The following IMPA1 variants were observed in gnomAD, a reference collection of about 807,000 sequenced individuals.
IMPA1 encodes the protein inositol monophosphatase 1, also known as D-galactose 1-phosphate phosphatase.
In IMPA1, 21 loss-of-function variants were observed where a neutral mutation model predicts 34.9. The ratio of observed to expected loss-of-function variants is 0.60; its 90% CI spans 0.43 to 0.87. The LOEUF is 0.87. Among genes scored for constraint, IMPA1 ranks in the 40% least tolerant of loss-of-function variants. IMPA1 has a pLI of 0.00. For synonymous variants in IMPA1, 95 were observed against 104.4 expected, an observed-to-expected ratio of 0.91 and a Z score of 0.55; for missense variants, 299 against 336.4, an observed-to-expected ratio of 0.89 and a Z score of 0.87.
chr8:81,678,670 CAACAAGAGGGAAA>C, intron 4 of IMPA1: 1 of 182,848 alleles, frequency 5.5e-6, no homozygotes, highest in Non-Finnish European at 1.2e-5. Flanking sequence ...TCAGCCTGGC[CAACAAGAGGGAAA>C]CTCCATCTTA....
chr8:81,664,955 A>T (rs756487577), intron 7 of IMPA1, among the ~76,000 whole-genome samples: 2 of 152,132 alleles, frequency 1.3e-5, no homozygotes, highest in Admixed American at 6.6e-5. Flanking sequence ...AAACAAGACA[A>T]GCCAACTCTA....
chr8:81,671,264 T>C (rs1378961105), intron 6 of IMPA1, among the ~76,000 whole-genome samples: 1 of 152,146 alleles, frequency 6.6e-6, no homozygotes, highest in East Asian at 1.9e-4. Context: ...AAGTACATAA[T>C]GTAACCAATT....
intron 1 of IMPA1, 62 bp from the exon 2 acceptor site, chr8:81,681,646 AC>A (rs1270401320): frequency 4.2e-5 from 39 of 938,760 alleles, no homozygotes; most frequent in Middle Eastern, 4.2e-4. Flanking sequence ...GTTCACAAAA[AC>A]GTCTTAATTA....
chr8:81,673,360 T>A lies in IMPA1; in HGVS notation c.457+481A>T, dbSNP rs377033946. Among the ~76,000 whole-genome samples the A allele has an allele frequency of 2.0e-5, 3 of 152,332 alleles. No homozygotes were observed. The East Asian group carries it at 5.8e-4, about 29-fold the overall frequency. ...TAATCATTTGTCTTTTATCTACCTA[T>A]AACCTGAACACCGCCCCCTTCCCCA... On this transcript the variant is annotated intron_variant, in intron 6 of 8. Transcript: ENST00000256108.
intron 7 of IMPA1, among the ~76,000 whole-genome samples, chr8:81,665,956 G>C (rs528132192): frequency 2.9e-4 from 44 of 152,186 alleles, no homozygotes; most frequent in Non-Finnish European, 6.3e-4. Context: ...GAATCTACTA[G>C]AGGACGAACT....
chr8:81,685,080 TATAA>T lies in IMPA1; in HGVS notation c.-25+1168_-25+1171del, dbSNP rs1355018486. Among the ~76,000 whole-genome samples, 11 of 136,152 alleles carry T rather than the reference TATAA, an allele frequency of 8.1e-5. No homozygotes were observed. In the East Asian group the frequency reaches 8.4e-4, roughly 10 times the overall value. 89.3% of individuals were successfully genotyped at this position (136,152 alleles called of 152,430 possible). A position where few individuals can be genotyped will look rare whatever the true frequency, so the allele number is the denominator to read the frequency against. On this transcript the variant is annotated intron_variant, in intron 1 of 8. Transcript: ENST00000256108. Reference sequence around the variant, plus strand: ...CATAAGTATATTTAGATATATATACTATAAATAAGTATATTTAGATACTATATAT... The same window carrying T: ...CATAAGTATATTTAGATATATATACTATAAGTATATTTAGATACTATATAT...
chr8:81,679,290 A>C (rs1335117478), intron 3 of IMPA1, 60 bp from the exon 4 acceptor site: 2 of 1,132,890 alleles, frequency 1.8e-6, no homozygotes, highest in African/African-American at 3.0e-5. Flanking sequence ...TTTCCAAATC[A>C]TAACATTTCC....
chr8:81,660,531 G>A lies in IMPA1; in HGVS notation c.703C>T (p.Leu235=), dbSNP rs1367551928. The A allele has an allele frequency of 1.9e-6, 3 of 1,613,602 alleles. No homozygotes were observed. The highest frequency in any genetic ancestry group is 1.7e-6 in the Non-Finnish European group (2 of 1,179,626). The part of the protein sequence containing the change: ...GIIVTEAGGV[L]MDVTGGPFDL... The stretch of plus-strand genomic sequence containing the variant: ...ATAATTTTACCTGTAACATCCATTA[G>A]CACGCCACCAGCTTCAGTAACAATA... The change falls in exon 8 of 9, where the codon CTA becomes TTA. Residue 235 remains leucine (L), a synonymous_variant. Transcript: ENST00000256108.
rs996783033 is a variant in IMPA1, at chr8:81,670,975, G to T, written c.530C>A (p.Ser177Tyr). The T allele has an allele frequency of 1.9e-5, 29 of 1,536,702 alleles. No homozygotes were observed. Among genetic ancestry groups the T allele is most frequent in the Non-Finnish European group, 2.5e-5 (29 of 1,152,488 alleles). ...AATGCAAAAAAGCTTTTCCATATTA[G>T]AAAGAACCATTCTCACAGTCTCTGG... Reference protein sequence around the residue: ...RTPETVRMVLSNMEKLFCIPV... With the variant: ...RTPETVRMVLYNMEKLFCIPV... Residue 177 changes from serine (S) to tyrosine (Y), a missense_variant, in exon 7 of 9, where the codon TCT becomes TAT. Coordinates refer to ENST00000256108, the MANE Select transcript of IMPA1 (RefSeq NM_005536.4).
intron 4 of IMPA1, among the ~76,000 whole-genome samples, chr8:81,678,916 C>T (rs1308854888): frequency 2.0e-5 from 3 of 152,156 alleles, no homozygotes; most frequent in South Asian, 2.1e-4. Context: ...AGGACAAGAT[C>T]ACATTAGTAT....
intron 7 of IMPA1, among the ~76,000 whole-genome samples, chr8:81,667,383 T>C (rs115306516): frequency 0.01 from 1,598 of 152,240 alleles, 17 homozygotes; most frequent in African/African-American, 0.035. Context: ...AAACGCATGT[T>C]GAAACTTAAT....
intron 1 of IMPA1, chr8:81,685,905 C>A (rs1419815630): frequency 6.5e-7 from 1 of 1,545,260 alleles, no homozygotes; most frequent in African/African-American, 1.4e-5. Flanking sequence ...AGGACCTGGG[C>A]GCTGCCCCAT....
intron 5 of IMPA1, among the ~76,000 whole-genome samples, chr8:81,675,256 A>ACCCCCCCCCCC (rs1287844200): frequency 1.1e-5 from 1 of 87,832 alleles, no homozygotes; most frequent in Non-Finnish European, 2.4e-5. Flanking sequence ...CCACCCCCCC[A>ACCCCCCCCCCC]CCCCCGCCAA....
At chr8:81,664,407 T>C (rs564416175) in intron 7 of IMPA1, among the ~76,000 whole-genome samples, 3 of 152,032 alleles carry the variant, frequency 2.0e-5, no homozygotes, top group East Asian at 1.9e-4. Context: ...CGGAAGCCCG[T>C]AGATACACAG....
chr8:81,663,472 A>G (rs1046171803), intron 7 of IMPA1, among the ~76,000 whole-genome samples: 2 of 152,244 alleles, frequency 1.3e-5, no homozygotes, highest in African/African-American at 4.8e-5. Context: ...TCTGGGAGCC[A>G]GGATTCTAGC....
chr8:81,685,700 A>G (rs1807496134), intron 1 of IMPA1: 2 of 734,294 alleles, frequency 2.7e-6, no homozygotes, highest in Non-Finnish European at 1.8e-6. Flanking sequence ...ATAATATATG[A>G]ATAGTTATAT....
chr8:81,685,489 A>G, intron 1 of IMPA1, among the ~76,000 whole-genome samples: 1 of 143,496 alleles, frequency 7.0e-6, no homozygotes, highest in East Asian at 2.0e-4. Flanking sequence ...TTTCTGTACT[A>G]TATATAAGTA....
At chr8:81,663,139 T>C (rs964382891) in intron 7 of IMPA1, among the ~76,000 whole-genome samples, 2 of 152,198 alleles carry the variant, frequency 1.3e-5, no homozygotes, top group Non-Finnish European at 2.9e-5. Context: ...AAGTAAAAAT[T>C]AGTTTTTATT....
At chr8:81,680,133 TAA>T (rs60772020) in intron 3 of IMPA1, among the ~76,000 whole-genome samples, 3,773 of 132,070 alleles carry the variant, frequency 0.029, 157 homozygotes, top group African/African-American at 0.095. Context: ...TGTCTCCGTC[TAA>T]AAAAAAAAAA....
Sources: gnomAD v4.1 joint callset for allele counts (sites outside exome capture counted in the v4.1 genomes callset) on GRCh38, gnomAD v4.1.1 for gene constraint, MANE v1.5 for transcripts, NCBI Gene and HGNC (gene_info 2026-07-23, HGNC 2026-07-21) for gene names.